The following IFI16 variants were observed in gnomAD, a reference collection of about 807,000 sequenced individuals.
IFI16 encodes gamma-interferon-inducible protein 16.
In IFI16, 49 loss-of-function variants were observed where a neutral mutation model predicts 68.4. The ratio of observed to expected loss-of-function variants is 0.72; its 90% CI spans 0.57 to 0.91. IFI16 has a LOEUF of 0.91. Among genes scored for constraint, IFI16 ranks in the 40% least tolerant of loss-of-function variants. The probability of loss-of-function intolerance (pLI) is 0.00; values close to 1 mark genes in which losing one functional copy is unlikely to be tolerated. For synonymous variants in IFI16, 307 were observed against 315.0 expected, an observed-to-expected ratio of 0.97 and a Z score of 0.27; for missense variants, 878 against 942.9, an observed-to-expected ratio of 0.93 and a Z score of 0.90.
At chr1:159,019,807 T>A (rs1434039884) in intron 5 of IFI16, among the ~76,000 whole-genome samples, 1 of 152,140 alleles carries the variant, frequency 6.6e-6, no homozygotes. Flanking sequence ...AGTTCTAGGA[T>A]GATGAGTAAT....
intron 1 of IFI16, among the ~76,000 whole-genome samples, chr1:159,010,988 ATGT>A (rs1257912257): frequency 1.3e-5 from 2 of 152,320 alleles, no homozygotes; most frequent in African/African-American, 4.8e-5. Context: ...TATTAGATAA[ATGT>A]TGTTAATTAC....
At chr1:159,006,497 TATC>T (rs1006157951), upstream of IFI16, among the ~76,000 whole-genome samples, 6 of 152,166 alleles carry the variant, frequency 3.9e-5, no homozygotes, top group Non-Finnish European at 7.4e-5. Flanking sequence ...GTTACTACCT[TATC>T]AGTTAATTGG....
At chr1:159,041,754 G>T (rs534493950) in intron 7 of IFI16, among the ~76,000 whole-genome samples, 1 of 152,252 alleles carries the variant, frequency 6.6e-6, no homozygotes, top group South Asian at 2.1e-4. Flanking sequence ...GCTGAAATGT[G>T]GGCTGAGGAA....
At chr1:159,028,900 T>C (rs1007467006) in intron 6 of IFI16, among the ~76,000 whole-genome samples, 3 of 152,168 alleles carry the variant, frequency 2.0e-5, no homozygotes, top group African/African-American at 7.2e-5. Context: ...GTGAGTCTCT[T>C]AAAGACAGTA....
At chr1:159,033,964 G>T (rs993994382) in intron 7 of IFI16, among the ~76,000 whole-genome samples, 2 of 152,150 alleles carry the variant, frequency 1.3e-5, no homozygotes, top group Admixed American at 6.5e-5. Flanking sequence ...AACAAAAAAG[G>T]TTAAAAATAG....
intron 6 of IFI16, among the ~76,000 whole-genome samples, chr1:159,026,558 C>G (rs55853408): frequency 0.28 from 43,216 of 151,910 alleles, 8,310 homozygotes; most frequent in African/African-American, 0.54. Context: ...CTTGGCCTCC[C>G]AAAGTGCTAA....
In IFI16 at chr1:159,032,642, G is replaced by A. The variant is rs763564898; in HGVS notation, c.1280G>A (p.Arg427Gln). Residue 427 changes from arginine (R) to glutamine (Q), a missense_variant, in exon 7 of 12, where the codon CGG becomes CAG. By Grantham distance (43) the Arg-to-Gln change is conservative. This residue lies in a region of IFI16 where 443 missense variants were observed against 421.8 expected (regional missense o/e 1.05). Transcript: ENST00000295809. ...ASTTFPESHL[R>Q]TPQMPPTTPS... ...ACAACCTTCCCTGAGAGCCATCTTC[G>A]GACTCCTCAGATGCCACCAACAACT... is the stretch of plus-strand genomic sequence containing the variant. 1.9e-5 allele frequency: 31 copies of A among 1,611,262 alleles called. No individual in the cohort carries two copies. The highest frequency in any genetic ancestry group is 4.4e-5 in the South Asian group (4 of 90,748).
At chr1:159,002,207 G>A (rs1652084828), upstream of IFI16, among the ~76,000 whole-genome samples, 1 of 151,998 alleles carries the variant, frequency 6.6e-6, no homozygotes. Context: ...GTAAAAGACA[G>A]TACATATTAC....
chr1:159,052,045 C>G lies in IFI16; in HGVS notation c.2032C>G (p.Leu678Val). The change falls in exon 10 of 12, where the codon CTT becomes GTT. Residue 678 changes from leucine to valine, a missense_variant. Around this residue, in one of 4 missense-constraint regions of IFI16, gnomAD observed 311 missense variants for 305.1 expected, o/e 1.02. Transcript: ENST00000295809. The part of the protein sequence containing the change: ...SASVTPKINQ[L>V]CSQTKGSFVN... ...CAGCGTAACTCCTAAAATCAATCAG[C>G]TTTGCTCACAAACTAAAGGAAGTTT... is the stretch of plus-strand genomic sequence containing the variant. The G allele has an allele frequency of 1.2e-6, 2 of 1,613,834 alleles. No individual in the cohort carries two copies. Among genetic ancestry groups the G allele is most frequent in the African/African-American group, 2.7e-5 (2 of 75,004 alleles).
At chr1:159,053,377 A>G in intron 10 of IFI16, 156 bp from the exon 11 acceptor site, 1 of 457,822 alleles carries the variant, frequency 2.2e-6, no homozygotes, top group Non-Finnish European at 3.9e-6. Flanking sequence ...GGATTCAAAG[A>G]CCAAGTATCT....
chr1:159,039,325 A>G (rs1392446480), intron 7 of IFI16, among the ~76,000 whole-genome samples: 1 of 152,120 alleles, frequency 6.6e-6, no homozygotes, highest in East Asian at 1.9e-4. Context: ...ACCTATATAG[A>G]TACAGACATG....
chr1:159,016,823 A>G (rs1652962853), intron 4 of IFI16, 123 bp downstream of exon 4: 1 of 838,944 alleles, frequency 1.2e-6, no homozygotes, highest in Non-Finnish European at 1.9e-6. Context: ...ATATTGAGAA[A>G]CCACTACATT....
chr1:159,009,549 G>A (rs1439553304), upstream of IFI16, among the ~76,000 whole-genome samples: 1 of 152,170 alleles, frequency 6.6e-6, no homozygotes, highest in African/African-American at 2.4e-5. Flanking sequence ...CATCATTTAA[G>A]GGAATATAAG....
upstream of IFI16, among the ~76,000 whole-genome samples, chr1:159,001,947 T>C (rs1272355100): frequency 6.6e-6 from 1 of 152,224 alleles, no homozygotes; most frequent in African/African-American, 2.4e-5. Context: ...TCCTGTACCA[T>C]GCATAATAGC....
At chr1:159,025,319 C>T (rs79746723) in intron 6 of IFI16, among the ~76,000 whole-genome samples, 1 of 151,582 alleles carries the variant, frequency 6.6e-6, no homozygotes, top group South Asian at 2.1e-4. Context: ...CCTGGCCACC[C>T]TCGGGACTTA....
At chr1:159,014,998 C>T in intron 2 of IFI16, 53 bp downstream of exon 2, 1 of 1,487,850 alleles carries the variant, frequency 6.7e-7, no homozygotes, top group Non-Finnish European at 9.1e-7. Context: ...AAACCCTCCC[C>T]AACATTGATT....
chr1:159,046,224 CATTA>C (rs1654976775), intron 8 of IFI16, among the ~76,000 whole-genome samples: 10 of 151,250 alleles, frequency 6.6e-5, no homozygotes, highest in East Asian at 5.8e-4. Context: ...GATCTTCTTT[CATTA>C]CCCTCAGAGT....
chr1:159,002,582 A>G (rs1652101536), upstream of IFI16, among the ~76,000 whole-genome samples: 1 of 152,184 alleles, frequency 6.6e-6, no homozygotes, highest in Non-Finnish European at 1.5e-5. Flanking sequence ...ATTTCTTCAT[A>G]GAATTTATCT....
chr1:159,043,398 C>A (rs1432621861), intron 7 of IFI16, among the ~76,000 whole-genome samples: 1 of 152,240 alleles, frequency 6.6e-6, no homozygotes, highest in Non-Finnish European at 1.5e-5. Context: ...ACAATCATTT[C>A]TACTTGCATA....
Sources: allele counts gnomAD v4.1 joint callset (sites outside exome capture counted in the v4.1 genomes callset), GRCh38; gene constraint gnomAD v4.1.1; regional missense constraint gnomAD v4.1.1; transcripts MANE v1.5; gene names NCBI Gene and HGNC (gene_info 2026-07-23, HGNC 2026-07-21).